The following BMPR1A variants were observed in gnomAD, a reference collection of about 807,000 sequenced individuals.
BMPR1A encodes bone morphogenetic protein receptor type 1A, also known as bone morphogenetic protein receptor type-1A.
A neutral mutation model predicts 66.0 loss-of-function variants in BMPR1A; 7 were observed. The observed-to-expected ratio is 0.11, with a 90% CI of 0.06 to 0.20. The LOEUF (loss-of-function observed/expected upper bound fraction) is 0.20, where lower values mean the gene tolerates loss of function less well. Ranked by LOEUF, BMPR1A falls within the 10% of genes least tolerant of loss-of-function variation. The pLI is 1.00. For missense variants in BMPR1A, 408 were observed against 669.1 expected (o/e 0.61, Z 4.31); for synonymous variants, 200 against 229.7 (o/e 0.87, Z 1.17).
At chr10:86,800,752 C>T (rs1286207308) in intron 1 of BMPR1A, among the ~76,000 whole-genome samples, 1 of 152,138 alleles carries the variant, frequency 6.6e-6, no homozygotes, top group Non-Finnish European at 1.5e-5. Flanking sequence ...AAATAATGAA[C>T]ATTTCTATTT....
intron 1 of BMPR1A, among the ~76,000 whole-genome samples, chr10:86,820,522 C>G (rs1842107480): frequency 6.6e-6 from 1 of 152,098 alleles, no homozygotes; most frequent in South Asian, 2.1e-4. Flanking sequence ...AGGCTCAGTC[C>G]TTATCGTCTG....
At chr10:86,777,737 G>A (rs1841375500) in intron 1 of BMPR1A, among the ~76,000 whole-genome samples, 1 of 151,878 alleles carries the variant, frequency 6.6e-6, no homozygotes, top group South Asian at 2.1e-4. Flanking sequence ...TTTTAGGCCA[G>A]GCGCAGTGGC....
intron 2 of BMPR1A, among the ~76,000 whole-genome samples, chr10:86,861,493 T>C (rs1207145084): frequency 1.3e-5 from 2 of 152,260 alleles, no homozygotes; most frequent in African/African-American, 4.8e-5. Flanking sequence ...GTGTTGTTTA[T>C]GTACTGAAAG....
At chr10:86,813,075 T>G (rs1307408238) in intron 1 of BMPR1A, among the ~76,000 whole-genome samples, 1 of 152,220 alleles carries the variant, frequency 6.6e-6, no homozygotes, top group Non-Finnish European at 1.5e-5. Context: ...TTAAAAATAA[T>G]GAATTTGGTT....
intron 4 of BMPR1A, 72 bp downstream of exon 4, chr10:86,890,296 T>C (rs1014876364): frequency 1.3e-6 from 2 of 1,585,044 alleles, no homozygotes; most frequent in Non-Finnish European, 1.7e-6. Flanking sequence ...TTAAGAATTA[T>C]TAAACTTGTC....
Position 86,927,636 on chromosome 10 carries a change from T to C in BMPR1A, c.*3917T>C, listed in dbSNP as rs1322484166. The stretch of plus-strand genomic sequence containing the variant: ...TTAGCTTATGCTCTGTATTCTGTTT[T>C]CTATGGAATTATTTAAGCCCTTTTA... On this transcript the variant is annotated 3_prime_UTR_variant, in exon 13 of 13. Coordinates refer to ENST00000372037, the MANE Select transcript of BMPR1A (RefSeq NM_004329.3). The C allele has an allele frequency of 5.0e-6, 1 of 198,262 alleles. No homozygotes were observed. Among genetic ancestry groups the C allele is most frequent in the Non-Finnish European group, 1.0e-5 (1 of 95,854 alleles). 12.3% of individuals were successfully genotyped at this position (198,262 alleles called of 1,614,324 possible). A position where few individuals can be genotyped will look rare whatever the true frequency, so the allele number is the denominator to read the frequency against.
chr10:86,798,966 CTTTGTT>C, intron 1 of BMPR1A, among the ~76,000 whole-genome samples: 1 of 152,128 alleles, frequency 6.6e-6, no homozygotes, highest in Admixed American at 6.5e-5. Context: ...TTTTGCAAGA[CTTTGTT>C]TTTAGAGATT....
At chr10:86,790,375 G>C (rs1469977902) in intron 1 of BMPR1A, among the ~76,000 whole-genome samples, 1 of 151,176 alleles carries the variant, frequency 6.6e-6, no homozygotes, top group Admixed American at 6.6e-5. Flanking sequence ...TCGTGCAGCT[G>C]GTCTGGAAAC....
At position 86,836,409 on chromosome 10, in the gene BMPR1A, A is replaced by T. The variant is rs552845802; in HGVS notation, c.-267-2456A>T. ...TTGTTTACCTCTGAGTAATGAAGTC[A>T]AATCTTACTTGATTTTCCTTGGCTG... On this transcript the variant is annotated intron_variant, in intron 1 of 12. Coordinates refer to ENST00000372037, the MANE Select transcript of BMPR1A (RefSeq NM_004329.3). Among the ~76,000 whole-genome samples, 13 of 152,304 alleles carry T rather than the reference A, an allele frequency of 8.5e-5. No homozygotes were observed. The South Asian group carries it at 1.4e-3, about 17-fold the overall frequency.
chr10:86,919,684 TTTTTTTGTTTGTTTTTTG>T (rs1163686350), intron 10 of BMPR1A, among the ~76,000 whole-genome samples: 2 of 150,242 alleles, frequency 1.3e-5, no homozygotes, highest in African/African-American at 5.0e-5. Context: ...TTTTGGTGTT[TTTTTTTGTTTGTTTTTTG>T]TTTTTTGTTT....
At chr10:86,922,622 G>A (rs947979177) in intron 11 of BMPR1A, among the ~76,000 whole-genome samples, 1 of 152,228 alleles carries the variant, frequency 6.6e-6, no homozygotes, top group Non-Finnish European at 1.5e-5. Context: ...CCAGAATCCT[G>A]TCCCAGCGGA....
At chr10:86,801,786 C>T (rs1049014026) in intron 1 of BMPR1A, among the ~76,000 whole-genome samples, 4 of 152,036 alleles carry the variant, frequency 2.6e-5, no homozygotes, top group African/African-American at 9.7e-5. Context: ...CATGTTGGCT[C>T]ACTGCAAGCT....
intron 1 of BMPR1A, among the ~76,000 whole-genome samples, chr10:86,793,350 G>A (rs942754679): frequency 1.7e-4 from 26 of 150,062 alleles, no homozygotes; most frequent in Non-Finnish European, 3.3e-4. Context: ...CTGATGACAC[G>A]CTTGCTCACT....
In BMPR1A at chr10:86,786,499, T is replaced by A. The variant is rs539242351; in HGVS notation, c.-268+29580T>A. ...ACAGTATTTGACACTGGTGATTACT[T>A]ATTTCCTGCTCGTTGAAACACTTTG... On this transcript the variant is annotated intron_variant, in intron 1 of 12. Transcript: ENST00000372037. Among the ~76,000 whole-genome samples the A allele has an allele frequency of 9.8e-5, 15 of 152,306 alleles. No homozygotes were observed. The East Asian group carries it at 2.9e-3, about 29-fold the overall frequency.
chr10:86,880,253 G>A (rs1423731072), intron 3 of BMPR1A, among the ~76,000 whole-genome samples: 1 of 152,188 alleles, frequency 6.6e-6, no homozygotes, highest in Non-Finnish European at 1.5e-5. Context: ...GTCTTGATGT[G>A]TGTTCTGAGA....
At chr10:86,880,287 C>T (rs991674339) in intron 3 of BMPR1A, among the ~76,000 whole-genome samples, 19 of 152,228 alleles carry the variant, frequency 1.2e-4, no homozygotes, top group African/African-American at 4.6e-4. Context: ...CCACTGGCCT[C>T]TGCTTTGCCT....
intron 1 of BMPR1A, among the ~76,000 whole-genome samples, chr10:86,791,834 T>C (rs1439137835): frequency 6.8e-6 from 1 of 147,228 alleles, no homozygotes; most frequent in Non-Finnish European, 1.5e-5. Flanking sequence ...ATTTCTCCCA[T>C]GTCAGCCTTC....
intron 3 of BMPR1A, among the ~76,000 whole-genome samples, chr10:86,886,636 C>A (rs1446001341): frequency 6.6e-6 from 1 of 152,084 alleles, no homozygotes; most frequent in Non-Finnish European, 1.5e-5. Flanking sequence ...TGGGCGCTGT[C>A]CCCTAGGGAG....
chr10:86,907,347 G>T (rs142326983), intron 7 of BMPR1A, among the ~76,000 whole-genome samples: 291 of 152,332 alleles, frequency 1.9e-3, no homozygotes, highest in Middle Eastern at 0.014. Context: ...GCTGGGGAGG[G>T]TATGGAGAAA....
Sources: allele counts gnomAD v4.1 joint callset (sites outside exome capture counted in the v4.1 genomes callset), GRCh38; gene constraint gnomAD v4.1.1; transcripts MANE v1.5; gene names NCBI Gene and HGNC (gene_info 2026-07-23, HGNC 2026-07-21).